CCDC107: variants seen among roughly 807,000 people sequenced by gnomAD.
The protein encoded by CCDC107 is coiled-coil domain containing 107, also known as coiled-coil domain-containing protein 107.
CCDC107 carries 17 observed loss-of-function variants against 17.9 expected under a neutral mutation model. The ratio of observed to expected loss-of-function variants is 0.95; its 90% CI spans 0.65 to 1.42. CCDC107 has a LOEUF of 1.42. CCDC107 is among the 40% of genes most tolerant of loss of function. The pLI, the probability that CCDC107 is intolerant of heterozygous loss-of-function variation, is 0.00. For synonymous variants in CCDC107, 170 were observed against 157.2 expected, an observed-to-expected ratio of 1.08 and a Z score of -0.61; for missense variants, 388 against 360.1, an observed-to-expected ratio of 1.08 and a Z score of -0.63.
Position 35,658,462 on chromosome 9 carries a change from A to G in CCDC107, c.83A>G (p.Asn28Ser), listed in dbSNP as rs1181654054. 1.4e-6 allele frequency: 2 copies of G among 1,475,368 alleles called. No individual in the cohort carries two copies. Among genetic ancestry groups the G allele is most frequent in the Non-Finnish European group, 1.8e-6 (2 of 1,112,454 alleles). The allele number at this position is 1,475,368 out of a possible 1,614,324, so 91.4% of individuals were successfully genotyped here. A position where few individuals can be genotyped will look rare whatever the true frequency, so the allele number is the denominator to read the frequency against. The change falls in exon 1 of 5, where the codon AAT (asparagine) becomes AGT (serine). Residue 28 changes from asparagine (N) to serine (S), a missense_variant. By Grantham distance (46) the Asn-to-Ser change is conservative. Coordinates refer to ENST00000426546, the MANE Select transcript of CCDC107 (RefSeq NM_174923.3). ...ALSGVLGDRA[N>S]PDLRAHPGNA... ...TCCGGGGTCCTAGGAGACCGCGCCA[A>G]TCCCGACCTCCGGGCACACCCAGGT...
In CCDC107 at chr9:35,658,341, C is replaced by T. The variant is rs2131811864; in HGVS notation, c.-39C>T. On this transcript the variant is annotated 5_prime_UTR_variant, in exon 1 of 5. Coordinates refer to ENST00000426546, the MANE Select transcript of CCDC107 (RefSeq NM_174923.3). ...GCGGCCGGCCAATGCCGGACCGCTT[C>T]GGCACCGCCCGCCCGATCCCTCCAC... 7 of 1,328,280 alleles carry T rather than the reference C, an allele frequency of 5.3e-6. No homozygotes were observed. Among genetic ancestry groups the T allele is most frequent in the Non-Finnish European group, 5.8e-6 (6 of 1,039,126 alleles). 82.3% of individuals were successfully genotyped at this position (1,328,280 alleles called of 1,614,324 possible). A position where few individuals can be genotyped will look rare whatever the true frequency, so the allele number is the denominator to read the frequency against.
At position 35,661,084 on chromosome 9, in the gene CCDC107, G is replaced by A. The variant is rs756761846; in HGVS notation, c.749G>A (p.Arg250Gln). ...ATSWEVGRGL[R>Q]RRCSQAVAKG... ...TCCTGGGAGGTGGGGCGGGGACTACGGAGAAGGTGCAGCCAGGCTGTGGCA... is the reference window on the plus strand; with the variant it reads ...TCCTGGGAGGTGGGGCGGGGACTACAGAGAAGGTGCAGCCAGGCTGTGGCA... Residue 250 changes from arginine (R) to glutamine (Q), a missense_variant, in exon 5 of 5, where the codon CGG becomes CAG. By Grantham distance (43) the Arg-to-Gln change is conservative. Transcript: ENST00000426546. 39 of 1,614,160 alleles carry A rather than the reference G, an allele frequency of 2.4e-5. No individual in the cohort carries two copies. The highest frequency in any genetic ancestry group is 3.3e-4 in the Middle Eastern group (2 of 6,060).
chr9:35,658,862 A>C, intron 2 of CCDC107, 135 bp downstream of exon 2: 1 of 517,216 alleles, frequency 1.9e-6, no homozygotes, highest in Non-Finnish European at 3.3e-6. Flanking sequence ...TGTAAAATAA[A>C]GACAGTAGTC....
chr9:35,660,967 TC>T lies in CCDC107; in HGVS notation c.633del (p.Cys212ValfsTer2), dbSNP rs753385503. The T allele has an allele frequency of 4.2e-5, 68 of 1,614,114 alleles. No homozygotes were observed. Among genetic ancestry groups the T allele is most frequent in the Non-Finnish European group, 5.3e-5 (62 of 1,180,012 alleles). Reference protein sequence around the residue: ...TEASRPLPEDFCLKEDEEEIG... With the variant: ...TEASRPLPEDXCLKEDEEEIG... The stretch of plus-strand genomic sequence containing the variant: ...GCCAGCAGACCTCTTCCTGAGGACT[TC>T]TGTTTAAAGGAGGACGAGGAGGAGA... On this transcript the variant is annotated frameshift_variant, in exon 5 of 5. Transcript: ENST00000426546. LOFTEE classifies it low-confidence loss of function (END_TRUNC).
In CCDC107 at chr9:35,660,583, C is replaced by T. The variant is rs1823869968; in HGVS notation, c.346C>T (p.Gln116Ter). The T allele has an allele frequency of 5.0e-6, 8 of 1,614,206 alleles. No homozygotes were observed. Among genetic ancestry groups the T allele is most frequent in the Non-Finnish European group, 5.9e-6 (7 of 1,180,034 alleles). The change falls in exon 4 of 5, where the codon CAG becomes TAG. Residue 116 changes from glutamine (Q) to a stop codon, truncating the protein, a stop_gained. Coordinates refer to ENST00000426546, the MANE Select transcript of CCDC107 (RefSeq NM_174923.3). LOFTEE classifies it high-confidence loss of function. ...GCAACAGCTGGCCCAGTTGACACAA[C>T]AGCTGGCCCAGACAGAGCAGCACCT... is the stretch of plus-strand genomic sequence containing the variant. ...SEQQLAQLTQ[Q>*]LAQTEQHLNN... is the part of the protein sequence containing the mutation.
rs373639567 is a variant in CCDC107, at chr9:35,658,452, G to T, written c.73G>T (p.Asp25Tyr). The T allele has an allele frequency of 1.6e-5, 24 of 1,476,704 alleles. No individual in the cohort carries two copies. In the African/African-American group the frequency reaches 3.5e-4, roughly 21 times the overall value. 91.5% of individuals were successfully genotyped at this position (1,476,704 alleles called of 1,614,324 possible). A position where few individuals can be genotyped will look rare whatever the true frequency, so the allele number is the denominator to read the frequency against. Reference protein sequence around the residue: ...LVSALSGVLGDRANPDLRAHP... With the variant: ...LVSALSGVLGYRANPDLRAHP... Reference sequence around the variant, plus strand: ...GTCTGCGCTGTCCGGGGTCCTAGGAGACCGCGCCAATCCCGACCTCCGGGC... The same window carrying T: ...GTCTGCGCTGTCCGGGGTCCTAGGATACCGCGCCAATCCCGACCTCCGGGC... The change falls in exon 1 of 5, where the codon GAC becomes TAC. Residue 25 changes from aspartate to tyrosine, a missense_variant. By Grantham distance (160) the Asp-to-Tyr change is radical. Coordinates refer to ENST00000426546, the MANE Select transcript of CCDC107 (RefSeq NM_174923.3).
At chr9:35,660,323 C>T in intron 2 of CCDC107, 78 bp from the exon 3 acceptor site, 1 of 1,290,914 alleles carries the variant, frequency 7.7e-7, no homozygotes, top group South Asian at 1.4e-5. Flanking sequence ...TGCACTCTCT[C>T]TTGGCTGGCT....
At chr9:35,660,368 C>T (rs1228762207) in intron 2 of CCDC107, 33 bp from the exon 3 acceptor site, 2 of 1,549,172 alleles carry the variant, frequency 1.3e-6, no homozygotes, top group Admixed American at 3.8e-5. Context: ...AACCTTGTTG[C>T]TTCAGTACTG....
rs1018877615 is a variant in CCDC107, at chr9:35,660,552, C to A, written c.320-5C>A. On this transcript the variant is annotated splice_polypyrimidine_tract_variant and splice_region_variant and intron_variant, in intron 3 of 4. Coordinates refer to ENST00000426546, the MANE Select transcript of CCDC107 (RefSeq NM_174923.3). ...CTTCTGCCCCCTTTTTTCCCTTATCCCCAGAGCAACAGCTGGCCCAGTTGA... is the reference window on the plus strand; with the variant it reads ...CTTCTGCCCCCTTTTTTCCCTTATCACCAGAGCAACAGCTGGCCCAGTTGA... 4.3e-6 allele frequency: 7 copies of A among 1,613,764 alleles called. No individual in the cohort carries two copies. Among genetic ancestry groups the A allele is most frequent in the Non-Finnish European group, 5.9e-6 (7 of 1,179,944 alleles).
At position 35,658,729 on chromosome 9, in the gene CCDC107, T is replaced by A. The variant is rs1338577208; in HGVS notation, c.258+2T>A. On this transcript the variant is annotated splice_donor_variant, in intron 2 of 4. Transcript: ENST00000426546. LOFTEE classifies it high-confidence loss of function. ...TTTGTGCTGTACAAGTGTTTGCAGG[T>A]ACGGGGCGGCCGGGGGTAGGGGTGC... 6.7e-7 allele frequency: 1 copy of A among 1,496,652 alleles called. No homozygotes were observed. The highest frequency in any genetic ancestry group is 2.3e-5 in the Admixed American group (1 of 44,064). 92.7% of individuals were successfully genotyped at this position (1,496,652 alleles called of 1,614,324 possible).
At position 35,658,666 on chromosome 9, in the gene CCDC107, T is replaced by C; in HGVS notation, c.197T>C (p.Leu66Pro). The C allele has an allele frequency of 6.3e-7, 1 of 1,574,808 alleles. No homozygotes were observed. Among genetic ancestry groups the C allele is most frequent in the South Asian group, 1.1e-5 (1 of 89,336 alleles). ...DQRERTRAGS[L>P]PLGALYTAAV... ...CGCGAGCGGACCCGGGCCGGGTCGC[T>C]GCCTCTGGGGGCGCTGTACACCGCG... Residue 66 changes from leucine (L) to proline (P), a missense_variant, in exon 2 of 5, where the codon CTG becomes CCG. Leu to Pro is a moderately conservative substitution (Grantham distance 98). Coordinates refer to ENST00000426546, the MANE Select transcript of CCDC107 (RefSeq NM_174923.3).
chr9:35,659,283 G>A (rs7029668), intron 2 of CCDC107: 26,092 of 152,262 alleles, frequency 0.17, 2,805 homozygotes, highest in African/African-American at 0.31. Context: ...GATGGAACCA[G>A]TTTAGATATA....
At position 35,660,627 on chromosome 9, in the gene CCDC107, G is replaced by C. The variant is rs1823871998; in HGVS notation, c.390G>C (p.Gln130His). The change falls in exon 4 of 5, where the codon CAG (glutamine) becomes CAC (histidine). Residue 130 changes from glutamine (Q) to histidine (H), a missense_variant. Coordinates refer to ENST00000426546, the MANE Select transcript of CCDC107 (RefSeq NM_174923.3). ...TEQHLNNLMAQLDPLFERVTT... is the reference protein window; with the variant it reads ...TEQHLNNLMAHLDPLFERVTT... ...AGCACCTGAACAACCTGATGGCCCA[G>C]CTGGACCCCCTTTTTGAGCGGTGAG... The C allele has an allele frequency of 6.2e-7, 1 of 1,614,202 alleles. No individual in the cohort carries two copies. Among genetic ancestry groups the C allele is most frequent in the Non-Finnish European group, 8.5e-7 (1 of 1,180,044 alleles).
chr9:35,660,502 G>C (rs749777866), intron 3 of CCDC107, 41 bp downstream of exon 3: 2 of 1,613,124 alleles, frequency 1.2e-6, no homozygotes, highest in African/African-American at 2.7e-5. Flanking sequence ...GGGGAGTTTA[G>C]GGGACAGCAG....
In CCDC107 at chr9:35,658,333, G is replaced by C. The variant is rs980942861; in HGVS notation, c.-47G>C. The C allele has an allele frequency of 2.3e-6, 3 of 1,312,584 alleles. No individual in the cohort carries two copies. Among genetic ancestry groups the C allele is most frequent in the South Asian group, 4.3e-5 (2 of 46,130 alleles). The allele number at this position is 1,312,584 out of a possible 1,614,324, so 81.3% of individuals were successfully genotyped here. ...GCGTTGGGGCGGCCGGCCAATGCCG[G>C]ACCGCTTCGGCACCGCCCGCCCGAT... On this transcript the variant is annotated 5_prime_UTR_variant, in exon 1 of 5. Coordinates refer to ENST00000426546, the MANE Select transcript of CCDC107 (RefSeq NM_174923.3).
intron 2 of CCDC107, 28 bp from the exon 3 acceptor site, chr9:35,660,373 G>A (rs1253488300): frequency 1.9e-6 from 3 of 1,567,090 alleles, no homozygotes; most frequent in South Asian, 2.4e-5. Context: ...TGTTGCTTCA[G>A]TACTGCCCTT....
intron 3 of CCDC107, 27 bp from the exon 4 acceptor site, chr9:35,660,530 C>A: frequency 6.2e-7 from 1 of 1,613,942 alleles, no homozygotes; most frequent in Non-Finnish European, 8.5e-7. Flanking sequence ...ATAACCACTT[C>A]TGCCCCCTTT....
In CCDC107 at chr9:35,660,752, T is replaced by G. The variant is rs1307811799; in HGVS notation, c.417T>G (p.Thr139=). 5 of 1,613,800 alleles carry G rather than the reference T, an allele frequency of 3.1e-6. No homozygotes were observed. The highest frequency in any genetic ancestry group is 2.2e-5 in the East Asian group (1 of 44,898). Reference sequence around the variant, plus strand: ...TGAGTGGACATTTCTTCAGTGTGACTACTCTGGCTGGAGCCCAGCAGGAGC... The same window carrying G: ...TGAGTGGACATTTCTTCAGTGTGACGACTCTGGCTGGAGCCCAGCAGGAGC... ...AQLDPLFERV[T]TLAGAQQELL... Residue 139 remains threonine (T), a synonymous_variant, in exon 5 of 5, where the codon ACT becomes ACG. Transcript: ENST00000426546.
chr9:35,658,493 C>A lies in CCDC107; in HGVS notation c.106+8C>A. 1 of 1,482,642 alleles carries A rather than the reference C, an allele frequency of 6.7e-7. No homozygotes were observed. The highest frequency in any genetic ancestry group is 2.2e-5 in the Admixed American group (1 of 44,628). 91.8% of individuals were successfully genotyped at this position (1,482,642 alleles called of 1,614,324 possible). A position where few individuals can be genotyped will look rare whatever the true frequency, so the allele number is the denominator to read the frequency against. On this transcript the variant is annotated splice_region_variant and intron_variant, in intron 1 of 4. Transcript: ENST00000426546. ...ACCTCCGGGCACACCCAGGTACCAGCTAGGGCTGCTGGAGGAGGGCTGGGA... is the reference window on the plus strand; with the variant it reads ...ACCTCCGGGCACACCCAGGTACCAGATAGGGCTGCTGGAGGAGGGCTGGGA...
Sources: gnomAD v4.1 joint callset for allele counts on GRCh38, gnomAD v4.1.1 for gene constraint, MANE v1.5 for transcripts, NCBI Gene and HGNC (gene_info 2026-07-23, HGNC 2026-07-21) for gene names.